The following CHD5 variants were observed in gnomAD, a reference collection of about 807,000 sequenced individuals.
CHD5 encodes the protein chromodomain helicase DNA binding protein 5.
Under a neutral mutation model 230.3 loss-of-function variants are expected in CHD5, and 69 were observed. That is an observed-to-expected ratio of 0.30 (90% CI 0.25 to 0.37). The LOEUF is 0.37. Among genes scored for constraint, CHD5 ranks in the 10% least tolerant of loss-of-function variants. CHD5 has a pLI of 1.00. For synonymous variants in CHD5, 1,064 were observed against 1,065.9 expected, an observed-to-expected ratio of 1.00 and a Z score of 0.03; for missense variants, 1,827 against 2,622.8, an observed-to-expected ratio of 0.70 and a Z score of 6.63.
chr1:6,141,758 T>C (rs1666831053), intron 15 of CHD5, among the ~76,000 whole-genome samples: 3 of 152,072 alleles, frequency 2.0e-5, no homozygotes. Context: ...AGGCAGAAAC[T>C]GACGCGACAG....
At chr1:6,138,216 A>G (rs1282563596) in intron 15 of CHD5, among the ~76,000 whole-genome samples, 1 of 152,144 alleles carries the variant, frequency 6.6e-6, no homozygotes, top group East Asian at 1.9e-4. Flanking sequence ...TCTCTACTAA[A>G]AAATACAAAA....
chr1:6,172,412 A>C (rs1201198941), intron 1 of CHD5, among the ~76,000 whole-genome samples: 3 of 151,742 alleles, frequency 2.0e-5, no homozygotes, highest in Non-Finnish European at 4.4e-5. Context: ...GCAGGCCTCG[A>C]CCTCCTGGGC....
At chr1:6,144,883 C>T (rs1199723777) in intron 11 of CHD5, among the ~76,000 whole-genome samples, 1 of 152,254 alleles carries the variant, frequency 6.6e-6, no homozygotes, top group African/African-American at 2.4e-5. Flanking sequence ...GTTACCACGG[C>T]AACCGATGTT....
chr1:6,136,074 C>T (rs1480358572), intron 17 of CHD5, among the ~76,000 whole-genome samples: 4 of 151,846 alleles, frequency 2.6e-5, no homozygotes, highest in Non-Finnish European at 5.9e-5. Context: ...CGACACTGTG[C>T]ACCCTGAACC....
chr1:6,124,674 G>GT lies in CHD5; in HGVS notation c.4395-14_4395-13insA, dbSNP rs1222158854. 3 of 927,678 alleles carry GT rather than the reference G, an allele frequency of 3.2e-6. No homozygotes were observed. Among genetic ancestry groups the GT allele is most frequent in the East Asian group, 2.8e-5 (1 of 35,746 alleles). 57.5% of individuals were successfully genotyped at this position (927,678 alleles called of 1,614,324 possible). ...GGACACATAGGCTCTGGGGTGGGGG[G>GT]GGGGGACTGGGGCTCAGGGAGTGGG... On this transcript the variant is annotated splice_polypyrimidine_tract_variant and intron_variant, in intron 29 of 41. Coordinates refer to ENST00000262450, the MANE Select transcript of CHD5 (RefSeq NM_015557.3).
chr1:6,106,220 C>T lies in CHD5; in HGVS notation c.*46+14G>A, dbSNP rs780650247. On this transcript the variant is annotated intron_variant, in intron 41 of 41. Coordinates refer to ENST00000262450, the MANE Select transcript of CHD5 (RefSeq NM_015557.3). ...GGGGTGGCGGGGAGGAACACAGCAC[C>T]CAGCAGCCCTCACCTCAGCTGGAAA... 2 of 1,609,802 alleles carry T rather than the reference C, an allele frequency of 1.2e-6. No homozygotes were observed. The highest frequency in any genetic ancestry group is 2.2e-5 in the East Asian group (1 of 44,878).
Position 6,146,069 on chromosome 1 carries a change from C to A in CHD5, c.1802+143G>T. 1 of 743,484 alleles carries A rather than the reference C, an allele frequency of 1.3e-6. No homozygotes were observed. Among genetic ancestry groups the A allele is most frequent in the East Asian group, 2.6e-5 (1 of 38,758 alleles). 46.1% of individuals were successfully genotyped at this position (743,484 alleles called of 1,614,324 possible). The stretch of plus-strand genomic sequence containing the variant: ...GGGAACCCTGGGCCCTTCCTTGTGC[C>A]CCTGCTGTGCCCACATGTGGTTCTG... On this transcript the variant is annotated intron_variant, in intron 11 of 41. Transcript: ENST00000262450. This position sits in a 1 kb window ranked among gnomAD's most constrained non-coding sequence, Gnocchi z 5.1.
intron 15 of CHD5, among the ~76,000 whole-genome samples, chr1:6,137,839 A>G (rs1277492432): frequency 6.6e-6 from 1 of 152,234 alleles, no homozygotes; most frequent in African/African-American, 2.4e-5. Flanking sequence ...CCAGGGGACA[A>G]TGGAGTGTGT....
intron 31 of CHD5, among the ~76,000 whole-genome samples, chr1:6,122,110 C>T (rs1470245693): frequency 6.6e-6 from 1 of 152,196 alleles, no homozygotes; most frequent in Admixed American, 6.5e-5. Context: ...AGGCCAAAGC[C>T]AAGAAGCAAA....
chr1:6,164,442 A>C (rs1351075332), intron 2 of CHD5, among the ~76,000 whole-genome samples: 3 of 152,176 alleles, frequency 2.0e-5, no homozygotes, highest in Non-Finnish European at 4.4e-5. Flanking sequence ...TCTGACAGGG[A>C]GCTTCATCTA....
At chr1:6,106,351 GC>G (rs1666166096) in intron 40 of CHD5, 43 bp downstream of exon 40, 1 of 1,611,514 alleles carries the variant, frequency 6.2e-7, no homozygotes, top group Non-Finnish European at 8.5e-7. Flanking sequence ...GCCGGGCCCG[GC>G]GGGCACCCGT....
intron 11 of CHD5, among the ~76,000 whole-genome samples, chr1:6,145,552 C>T (rs958764506): frequency 5.9e-5 from 9 of 152,364 alleles, no homozygotes; most frequent in African/African-American, 1.4e-4. Context: ...CCAAAGCCCA[C>T]GGGCCTCCTG....
chr1:6,161,495 G>A (rs535460608), intron 2 of CHD5, among the ~76,000 whole-genome samples: 53 of 152,332 alleles, frequency 3.5e-4, no homozygotes, highest in East Asian at 1.7e-3. Flanking sequence ...CAGAGTCAGC[G>A]GCGCTGCCAG....
chr1:6,125,063 G>A lies in CHD5; in HGVS notation c.4394+37C>T. The stretch of plus-strand genomic sequence containing the variant: ...CAGGACCCTGCCCTACTCAGGGGCA[G>A]GTGGTCACACCCTGGGCCACCACCT... On this transcript the variant is annotated intron_variant, in intron 29 of 41. Transcript: ENST00000262450. The surrounding 1 kb of genome is among the most constrained non-coding windows in gnomAD (Gnocchi z 6.7). The A allele has an allele frequency of 2.0e-6, 3 of 1,520,028 alleles. No individual in the cohort carries two copies. Among genetic ancestry groups the A allele is most frequent in the Non-Finnish European group, 2.7e-6 (3 of 1,128,600 alleles). 94.2% of individuals were successfully genotyped at this position (1,520,028 alleles called of 1,614,324 possible).
At chr1:6,175,260 G>GTGGA (rs150588853) in intron 1 of CHD5, among the ~76,000 whole-genome samples, 28,023 of 144,804 alleles carry the variant, frequency 0.19, 6,242 homozygotes, top group African/African-American at 0.56. Flanking sequence ...TGGATGGTGG[G>GTGGA]TGGATGGATG....
At position 6,135,340 on chromosome 1, in the gene CHD5, C is replaced by T. The variant is rs1351717874; in HGVS notation, c.2760G>A (p.Leu920=). 1 of 1,614,036 alleles carries T rather than the reference C, an allele frequency of 6.2e-7. No individual in the cohort carries two copies. The highest frequency in any genetic ancestry group is 8.5e-7 in the Non-Finnish European group (1 of 1,180,030). Reference sequence around the variant, plus strand: ...GCATGTGCGGCCCCAGCAGGTCATGCAGCTTCTTGATCTGGTCTTCCTTGG... The same window carrying T: ...GCATGTGCGGCCCCAGCAGGTCATGTAGCTTCTTGATCTGGTCTTCCTTGG... The part of the protein sequence containing the change: ...DISKEDQIKK[L]HDLLGPHMLR... Residue 920 remains leucine, a synonymous_variant, in exon 18 of 42, where the codon CTG becomes CTA. Coordinates refer to ENST00000262450, the MANE Select transcript of CHD5 (RefSeq NM_015557.3).
rs745957093 is a variant in CHD5, at chr1:6,148,842, C to T, written c.1383+12G>A. The T allele has an allele frequency of 4.8e-6, 7 of 1,473,520 alleles. No homozygotes were observed. In the East Asian group the frequency reaches 1.8e-4, roughly 39 times the overall value. 91.3% of individuals were successfully genotyped at this position (1,473,520 alleles called of 1,614,324 possible). On this transcript the variant is annotated intron_variant, in intron 9 of 41. Coordinates refer to ENST00000262450, the MANE Select transcript of CHD5 (RefSeq NM_015557.3). Reference sequence around the variant, plus strand: ...GGCGGGGCGTCCGGCGCGGGGCGGGCGGAACACTCACAGTACAGCGCGGGC... The same window carrying T: ...GGCGGGGCGTCCGGCGCGGGGCGGGTGGAACACTCACAGTACAGCGCGGGC...
At position 6,105,174 on chromosome 1, in the gene CHD5, C is replaced by T. The variant is rs1179866453; in HGVS notation, c.*300G>A. On this transcript the variant is annotated 3_prime_UTR_variant, in exon 42 of 42. Transcript: ENST00000262450. This position sits in a 1 kb window ranked among gnomAD's most constrained non-coding sequence, Gnocchi z 4.8. ...CAAAAGATGTACAAATAAATGAAAT[C>T]TCTTCTAAGAAGTCGTCTGGAAAAG... 2.9e-6 allele frequency: 1 copy of T among 344,810 alleles called. No homozygotes were observed. The highest frequency in any genetic ancestry group is 8.0e-5 in the East Asian group (1 of 12,442). The allele number at this position is 344,810 out of a possible 1,614,324, so 21.4% of individuals were successfully genotyped here.
chr1:6,147,052 CA>C (rs1666923256), intron 9 of CHD5, among the ~76,000 whole-genome samples, 181 bp from the exon 10 acceptor site: 1 of 152,224 alleles, frequency 6.6e-6, no homozygotes, highest in African/African-American at 2.4e-5. Context: ...GGGTCATGCA[CA>C]CAGGAGATGG....
Sources: gnomAD v4.1 joint callset for allele counts (sites outside exome capture counted in the v4.1 genomes callset) on GRCh38, gnomAD v4.1.1 for gene constraint, Gnocchi (gnomAD v3.1) non-coding constraint, MANE v1.5 for transcripts, NCBI Gene and HGNC (gene_info 2026-07-23, HGNC 2026-07-21) for gene names.